The following KSR2 variants were observed in gnomAD, a reference collection of about 807,000 sequenced individuals.
KSR2 encodes the protein kinase suppressor of ras 2.
In KSR2, 25 loss-of-function variants were observed where a neutral mutation model predicts 107.8. The ratio of observed to expected loss-of-function variants is 0.23; its 90% confidence interval spans 0.17 to 0.32. The LOEUF is 0.32. Ranked by LOEUF, KSR2 falls within the 10% of genes least tolerant of loss-of-function variation. The pLI, the probability that KSR2 is intolerant of heterozygous loss-of-function variation, is 1.00. For synonymous variants in KSR2, 480 were observed against 507.0 expected (o/e 0.95, Z 0.71); for missense variants, 887 against 1,268.9 (o/e 0.70, Z 4.57).
intron 5 of KSR2, among the ~76,000 whole-genome samples, chr12:117,649,284 C>T (rs1341836440): frequency 6.6e-6 from 1 of 152,168 alleles, no homozygotes; most frequent in Non-Finnish European, 1.5e-5. Context: ...AGGTCAGGGA[C>T]TGTAACGTAC....
chr12:117,968,285 CCT>C lies in KSR2; in HGVS notation c.-32_-31del. On this transcript the variant is annotated 5_prime_UTR_variant, in exon 1 of 20. Transcript: ENST00000339824. ...TGCTCTGCAACCCCCTTCCCCTCCT[CCT>C]CCTCCCAGAGAGAAAAAAGAGGGGG... The C allele has an allele frequency of 6.7e-7, 1 of 1,495,646 alleles. No individual in the cohort carries two copies. The allele number at this position is 1,495,646 out of a possible 1,614,324, so 92.6% of individuals were successfully genotyped here. A position where few individuals can be genotyped will look rare whatever the true frequency, so the allele number is the denominator to read the frequency against.
chr12:117,474,829 T>G (rs561614166), intron 17 of KSR2, among the ~76,000 whole-genome samples: 1 of 152,286 alleles, frequency 6.6e-6, no homozygotes, highest in East Asian at 1.9e-4. Flanking sequence ...ATTTGTCATC[T>G]CCACGATAGC....
chr12:117,679,360 T>C (rs1885275835), intron 4 of KSR2, among the ~76,000 whole-genome samples: 2 of 152,116 alleles, frequency 1.3e-5, no homozygotes, highest in Non-Finnish European at 2.9e-5. Flanking sequence ...ATTTCATAGA[T>C]GGGGAAATTG....
At chr12:117,829,773 T>C (rs987117905) in intron 3 of KSR2, among the ~76,000 whole-genome samples, 10 of 152,246 alleles carry the variant, frequency 6.6e-5, no homozygotes, top group Non-Finnish European at 8.8e-5. Flanking sequence ...TGATTAGATG[T>C]GACTGTGTAC....
At chr12:117,653,157 A>G (rs1883974662) in intron 5 of KSR2, among the ~76,000 whole-genome samples, 2 of 152,260 alleles carry the variant, frequency 1.3e-5, no homozygotes, top group Admixed American at 1.3e-4. Flanking sequence ...TGGTCTGTGC[A>G]GAAGACAGAT....
chr12:117,894,182 T>G (rs1285303619), intron 1 of KSR2, among the ~76,000 whole-genome samples: 1 of 152,178 alleles, frequency 6.6e-6, no homozygotes, highest in Non-Finnish European at 1.5e-5. Flanking sequence ...GTGCTGGGAT[T>G]ACAGGCGTGA....
intron 1 of KSR2, among the ~76,000 whole-genome samples, chr12:117,920,565 A>G (rs1895310641): frequency 6.6e-6 from 1 of 152,170 alleles, no homozygotes; most frequent in African/African-American, 2.4e-5. Context: ...CAGGCATTAA[A>G]CCAGCTACTT....
chr12:117,669,781 T>C (rs1884826512), intron 4 of KSR2, among the ~76,000 whole-genome samples: 1 of 151,912 alleles, frequency 6.6e-6, no homozygotes, highest in African/African-American at 2.4e-5. Context: ...GGTGGGAGGA[T>C]CACTAGAGAC....
intron 12 of KSR2, among the ~76,000 whole-genome samples, chr12:117,530,257 C>T (rs547301504): frequency 5.1e-4 from 77 of 152,156 alleles, no homozygotes; most frequent in African/African-American, 1.8e-3. Context: ...CCACATTTTC[C>T]AAAATTAGCT....
intron 7 of KSR2, among the ~76,000 whole-genome samples, chr12:117,566,213 C>T (rs1391869003): frequency 6.6e-6 from 1 of 152,154 alleles, no homozygotes; most frequent in Non-Finnish European, 1.5e-5. Flanking sequence ...CTTCCGCCCC[C>T]AGTTCGAGTG....
intron 5 of KSR2, among the ~76,000 whole-genome samples, chr12:117,621,108 G>A (rs781329856): frequency 1.3e-5 from 2 of 152,058 alleles, no homozygotes; most frequent in Non-Finnish European, 1.5e-5. Flanking sequence ...CTGGATTATC[G>A]GGGTGGTTTC....
At chr12:117,717,712 T>TGTGCGCGCGC (rs1209120329) in intron 4 of KSR2, among the ~76,000 whole-genome samples, 2 of 137,060 alleles carry the variant, frequency 1.5e-5, no homozygotes, top group African/African-American at 5.2e-5. Context: ...TGTGTGTGTG[T>TGTGCGCGCGC]GCATGCGCGC....
chr12:117,729,717 CATTT>C (rs1167929371), intron 4 of KSR2, among the ~76,000 whole-genome samples: 5 of 151,288 alleles, frequency 3.3e-5, no homozygotes, highest in East Asian at 2.0e-4. Context: ...TCCATTCATT[CATTT>C]GACAAACATT....
At chr12:117,620,719 G>A (rs1882147017) in intron 5 of KSR2, among the ~76,000 whole-genome samples, 1 of 152,164 alleles carries the variant, frequency 6.6e-6, no homozygotes, top group Non-Finnish European at 1.5e-5. Flanking sequence ...TGTAGGTCAA[G>A]ACACTTCTCT....
chr12:117,905,866 T>C lies in KSR2; in HGVS notation c.181-45435A>G, dbSNP rs547395101. Among the ~76,000 whole-genome samples the C allele has an allele frequency of 2.0e-5, 3 of 151,028 alleles. No individual in the cohort carries two copies. The South Asian group carries it at 6.3e-4, about 32-fold the overall frequency. ...CAAGTTCCCTTTTTTCTGCTTTGAT[T>C]CCATGATCTGGAAAAAAAAAAAAAA... is the stretch of plus-strand genomic sequence containing the variant. On this transcript the variant is annotated intron_variant, in intron 1 of 19. Coordinates refer to ENST00000339824, the MANE Select transcript of KSR2 (RefSeq NM_173598.6).
rs900442148 is a variant in KSR2 at position 117,512,407 on chromosome 12, C to T, written c.2219+12445G>A. On this transcript the variant is annotated intron_variant, in intron 14 of 19. Transcript: ENST00000339824. ...CAGCTTTTTCTTTCCCCTAACAAAG[C>T]TGCTGGTTCTCAAAGTGGGGTCCCC... 2.0e-5 allele frequency among the ~76,000 whole-genome samples: 3 copies of T among 152,306 alleles called. No homozygotes were observed. In the East Asian group the frequency reaches 5.8e-4, roughly 29 times the overall value.
At chr12:117,732,879 G>A (rs1887786924) in intron 4 of KSR2, among the ~76,000 whole-genome samples, 1 of 152,146 alleles carries the variant, frequency 6.6e-6, no homozygotes, top group Admixed American at 6.5e-5. Flanking sequence ...GAGGCCATGA[G>A]AGGAGATGCA....
At chr12:117,935,981 T>C (rs1372633669) in intron 1 of KSR2, among the ~76,000 whole-genome samples, 35 of 152,212 alleles carry the variant, frequency 2.3e-4, no homozygotes, top group Admixed American at 2.2e-3. Context: ...GCTTTTTTCT[T>C]TTTTCCATAG....
At chr12:117,667,700 TAGGTGCACAAAGTTACAGC>T (rs1884725479) in intron 4 of KSR2, 42 bp from the exon 5 acceptor site, 2 of 1,489,936 alleles carry the variant, frequency 1.3e-6, no homozygotes, top group East Asian at 2.3e-5. Flanking sequence ...AATATATCCA[TAGGTGCACAAAGTTACAGC>T]AGGGAGGCCC....
Sources: allele counts gnomAD v4.1 joint callset (sites outside exome capture counted in the v4.1 genomes callset), GRCh38; gene constraint gnomAD v4.1.1; transcripts MANE v1.5; gene names NCBI Gene and HGNC (gene_info 2026-07-23, HGNC 2026-07-21).